Variants in ZNF718 observed in about 807,000 individuals in gnomAD.
ZNF718 encodes zinc finger protein 718.
ZNF718 carries 3 observed loss-of-function variants against 2.6 expected under a neutral mutation model. The observed-to-expected ratio is 1.16, with a 90% CI of 0.53 to 3.01. The LOEUF (loss-of-function observed/expected upper bound fraction) is 3.01. ZNF718 is among the 30% of genes most tolerant of loss of function. The pLI is 0.03. For missense variants in ZNF718, 468 were observed against 230.0 expected, an observed-to-expected ratio of 2.03 and a Z score of -6.69; for synonymous variants, 135 against 77.9, an observed-to-expected ratio of 1.73 and a Z score of -3.86.
chr4:125,571 T>C (rs1553807853), intron 1 of ZNF718, among the ~76,000 whole-genome samples: 1 of 152,174 alleles, frequency 6.6e-6, no homozygotes, highest in African/African-American at 2.4e-5. Flanking sequence ...CGAGTCTGGG[T>C]TGGAGGAAGT....
Position 162,091 on chromosome 4 carries a change from A to G in ZNF718, c.1406A>G (p.His469Arg), listed in dbSNP as rs187970628. 16 of 758,376 alleles carry G rather than the reference A, an allele frequency of 2.1e-5. No individual in the cohort carries two copies. The East Asian group carries it at 2.2e-4, about 10-fold the overall frequency. 47.0% of individuals were successfully genotyped at this position (758,376 alleles called of 1,614,324 possible). A position where few individuals can be genotyped will look rare whatever the true frequency, so the allele number is the denominator to read the frequency against. ...AAGCAGTACTCCAACCTTCCTCAAC[A>G]TAAGAGAACTCATACTGGAGGAAAA... ...AFKQYSNLPQ[H>R]KRTHTGGKF The change falls in exon 4 of 4, where the codon CAT becomes CGT. Residue 469 changes from histidine (H) to arginine (R), a missense_variant. Transcript: ENST00000510175.
intron 3 of ZNF718, among the ~76,000 whole-genome samples, chr4:169,731 G>T (rs61794963): frequency 6.6e-6 from 1 of 151,758 alleles, no homozygotes; most frequent in Non-Finnish European, 1.5e-5. Context: ...TATTTTGAGC[G>T]TATGTGTGCC....
intron 3 of ZNF718, among the ~76,000 whole-genome samples, chr4:134,179 C>T (rs1234216131): frequency 1.1e-4 from 17 of 152,096 alleles, no homozygotes; most frequent in African/African-American, 3.9e-4. Context: ...GATGGAGTCT[C>T]GCTGTCACCC....
intron 3 of ZNF718, among the ~76,000 whole-genome samples, chr4:153,205 A>G (rs1348007273): frequency 6.6e-6 from 1 of 151,830 alleles, no homozygotes; most frequent in African/African-American, 2.4e-5. Flanking sequence ...TGTTCTAGAC[A>G]TCTTTGTTTA....
chr4:134,285 T>C (rs1179965693), intron 3 of ZNF718, among the ~76,000 whole-genome samples: 1 of 152,198 alleles, frequency 6.6e-6, no homozygotes, highest in Admixed American at 6.5e-5. Context: ...TAGCTGGGAC[T>C]ACAGGTGCCC....
At position 162,214 on chromosome 4, in the gene ZNF718, A is replaced by G. The variant is rs968826138; in HGVS notation, c.*92A>G. 1.7e-6 allele frequency: 1 copy of G among 587,750 alleles called. No individual in the cohort carries two copies. 36.4% of individuals were successfully genotyped at this position (587,750 alleles called of 1,614,324 possible). A position where few individuals can be genotyped will look rare whatever the true frequency, so the allele number is the denominator to read the frequency against. ...AGAAACTCTACACATGAAAAAATTG[A>G]CAAAGCTTTTAACCGCAACTCAATC... is the stretch of plus-strand genomic sequence containing the variant. On this transcript the variant is annotated 3_prime_UTR_variant, in exon 4 of 4. Transcript: ENST00000510175.
chr4:160,863 T>C (rs782609469), intron 3 of ZNF718, 49 bp from the exon 4 acceptor site: 2 of 710,366 alleles, frequency 2.8e-6, no homozygotes, highest in Non-Finnish European at 5.1e-6. Flanking sequence ...TAAAGTATAT[T>C]TATATGAATC....
chr4:161,968 G>C lies in ZNF718; in HGVS notation c.1283G>C (p.Cys428Ser). Reference protein sequence around the residue: ...TGEKPYICKQCGKAFKQSSHL... With the variant: ...TGEKPYICKQSGKAFKQSSHL... ...GAGAAACCCTACATATGTAAACAAT[G>C]TGGCAAAGCCTTTAAACAGTCCTCA... The change falls in exon 4 of 4, where the codon TGT becomes TCT. Residue 428 changes from cysteine to serine, a missense_variant. Cys to Ser is a moderately radical substitution (Grantham distance 112, BLOSUM62 -1). Coordinates refer to ENST00000510175, the MANE Select transcript of ZNF718 (RefSeq NM_001039127.6). 1.3e-6 allele frequency: 1 copy of C among 780,202 alleles called. No homozygotes were observed. The highest frequency in any genetic ancestry group is 2.4e-6 in the Non-Finnish European group (1 of 417,628). The allele number at this position is 780,202 out of a possible 1,614,324, so 48.3% of individuals were successfully genotyped here.
At position 161,867 on chromosome 4, in the gene ZNF718, C is replaced by T. The variant is rs1026711926; in HGVS notation, c.1182C>T (p.Pro394=). 3 of 780,670 alleles carry T rather than the reference C, an allele frequency of 3.8e-6. No homozygotes were observed. Among genetic ancestry groups the T allele is most frequent in the Non-Finnish European group, 7.2e-6 (3 of 417,962 alleles). The allele number at this position is 780,670 out of a possible 1,614,324, so 48.4% of individuals were successfully genotyped here. ...AGAGAATTCACTCTGGAAAAAATCC[C>T]TACAAATGTGAAGATTGTGGCAAAG... The part of the protein sequence containing the change: ...VHKRIHSGKN[P]YKCEDCGKAF... Residue 394 remains proline (P), a synonymous_variant, in exon 4 of 4, where the codon CCC becomes CCT. Transcript: ENST00000510175.
intron 3 of ZNF718, among the ~76,000 whole-genome samples, chr4:140,437 A>G (rs1183819757): frequency 6.6e-6 from 1 of 152,162 alleles, no homozygotes; most frequent in Non-Finnish European, 1.5e-5. Context: ...TTACTGTTGA[A>G]TGGAAAAGTG....
chr4:139,691 A>G (rs1336165205), intron 3 of ZNF718, among the ~76,000 whole-genome samples: 1 of 152,246 alleles, frequency 6.6e-6, no homozygotes, highest in African/African-American at 2.4e-5. Context: ...CTGGACACCT[A>G]CAACTGGTAA....
rs1280639201 is a variant in ZNF718 at position 175,111 on chromosome 4, G to A, written c.227-25970G>A. On this transcript the variant is annotated intron_variant and NMD_transcript_variant, in intron 3 of 4. Coordinates refer to the ZNF718 transcript ENST00000642529. ...TGCAAACTTAACATTACACCAACAG[G>A]TTACCAAATTAACCCAGTACCTAAA... Among the ~76,000 whole-genome samples the A allele has an allele frequency of 3.9e-5, 6 of 152,206 alleles. No homozygotes were observed. The East Asian group carries it at 7.7e-4, about 20-fold the overall frequency.
In ZNF718 at chr4:173,746, G is replaced by A. The variant is rs115563699; in HGVS notation, c.227-27335G>A. On this transcript the variant is annotated intron_variant and NMD_transcript_variant, in intron 3 of 4. Coordinates refer to the ZNF718 transcript ENST00000642529. ...CAAGATAAAATTGCCCAGAGAAACA[G>A]GAGGGCTGACCAAGCAGCTAGGGCC... is the stretch of plus-strand genomic sequence containing the variant. 3.1e-3 allele frequency among the ~76,000 whole-genome samples: 475 copies of A among 152,304 alleles called. 3 individuals carry two copies. Among genetic ancestry groups the A allele is most frequent in the African/African-American group, 0.011 (439 of 41,552 alleles).
chr4:183,819 G>A (rs1276133160), intron 3 of ZNF718, among the ~76,000 whole-genome samples: 1 of 151,998 alleles, frequency 6.6e-6, no homozygotes, highest in Non-Finnish European at 1.5e-5. Flanking sequence ...CCTGTTTTTG[G>A]TACATAGGAA....
chr4:149,415 A>G (rs1036895353), intron 3 of ZNF718, among the ~76,000 whole-genome samples: 1 of 152,112 alleles, frequency 6.6e-6, no homozygotes, highest in Admixed American at 6.5e-5. Flanking sequence ...TATATATTTA[A>G]TATTTTGTGG....
chr4:152,294 G>GGTGTC (rs1716360432), intron 3 of ZNF718, among the ~76,000 whole-genome samples: 1 of 136,008 alleles, frequency 7.4e-6, no homozygotes, highest in Non-Finnish European at 1.6e-5. Context: ...ACCCTTTACG[G>GGTGTC]GTGTCGGGCT....
intron 3 of ZNF718, among the ~76,000 whole-genome samples, chr4:174,715 G>A (rs1553818779): frequency 1.3e-5 from 2 of 152,160 alleles, no homozygotes; most frequent in Admixed American, 6.5e-5. Flanking sequence ...CTGGGTTGAA[G>A]AATCTCATAG....
chr4:195,370 T>C (rs1426776989), intron 3 of ZNF718, among the ~76,000 whole-genome samples: 1 of 152,332 alleles, frequency 6.6e-6, no homozygotes, highest in East Asian at 1.9e-4. Flanking sequence ...TTGTGGTTTT[T>C]TTTCTCAATC....
downstream of ZNF718, among the ~76,000 whole-genome samples, chr4:167,830 A>T (rs1416820205): frequency 6.6e-6 from 1 of 152,078 alleles, no homozygotes; most frequent in Non-Finnish European, 1.5e-5. Context: ...TTCCTAATTG[A>T]ATATGCTTTA....
Sources: allele counts gnomAD v4.1 joint callset (sites outside exome capture counted in the v4.1 genomes callset), GRCh38; gene constraint gnomAD v4.1.1; transcripts MANE v1.5; gene names NCBI Gene and HGNC (gene_info 2026-07-23, HGNC 2026-07-21).